The following NRXN1 variants were observed in gnomAD, a reference collection of about 807,000 sequenced individuals.
NRXN1 encodes neurexin-1.
In NRXN1, 39 loss-of-function variants were observed where a neutral mutation model predicts 150.9. The ratio of observed to expected loss-of-function variants is 0.26; its 90% CI spans 0.20 to 0.34. The LOEUF is 0.34. Ranked by LOEUF, NRXN1 falls within the 10% of genes least tolerant of loss-of-function variation. The probability of loss-of-function intolerance (pLI) is 1.00; values close to 1 mark genes in which losing one functional copy is unlikely to be tolerated. For missense variants in NRXN1, 1,815 were observed against 1,949.9 expected (o/e 0.93, Z 1.30); for synonymous variants, 924 against 757.0 (o/e 1.22, Z -3.62).
chr2:50,285,788 A>T (rs1203956975), intron 17 of NRXN1, among the ~76,000 whole-genome samples: 1 of 152,078 alleles, frequency 6.6e-6, no homozygotes, highest in Non-Finnish European at 1.5e-5. Flanking sequence ...TTACGAAATG[A>T]TCTTCAAAAT....
At chr2:50,696,157 TAA>T (rs1037606942) in intron 5 of NRXN1, 2 of 149,236 alleles carry the variant, frequency 1.3e-5, no homozygotes, top group East Asian at 2.0e-4. Flanking sequence ...ATGGAAATTT[TAA>T]AAGACAGTAC....
intron 21 of NRXN1, among the ~76,000 whole-genome samples, chr2:49,958,435 C>T (rs1675352775): frequency 6.6e-6 from 1 of 152,128 alleles, no homozygotes. Context: ...GTCTGTCTCA[C>T]TCAATTCTGA....
chr2:50,895,521 T>C (rs1220057947), intron 5 of NRXN1, among the ~76,000 whole-genome samples: 1 of 152,108 alleles, frequency 6.6e-6, no homozygotes, highest in African/African-American at 2.4e-5. Flanking sequence ...TGGGTCACTA[T>C]AAATTAAGAC....
chr2:50,267,936 T>A (rs1221564828), intron 17 of NRXN1, among the ~76,000 whole-genome samples: 3 of 151,866 alleles, frequency 2.0e-5, no homozygotes, highest in Admixed American at 1.3e-4. Flanking sequence ...ACACCTGTAA[T>A]CCTAGCAATT....
intron 5 of NRXN1, among the ~76,000 whole-genome samples, chr2:50,822,087 C>T (rs1191642531): frequency 6.6e-6 from 1 of 152,004 alleles, no homozygotes; most frequent in Non-Finnish European, 1.5e-5. Context: ...AGTCTAATTA[C>T]TACCTATGAT....
intron 17 of NRXN1, among the ~76,000 whole-genome samples, chr2:50,418,597 C>G (rs1341122106): frequency 6.6e-6 from 1 of 152,060 alleles, no homozygotes; most frequent in African/African-American, 2.4e-5. Flanking sequence ...TATTCTCTCT[C>G]TGATTTTAAA....
intron 18 of NRXN1, among the ~76,000 whole-genome samples, chr2:50,234,104 T>C (rs1185659942): frequency 1.3e-5 from 2 of 152,080 alleles, no homozygotes; most frequent in Non-Finnish European, 2.9e-5. Flanking sequence ...TCTTTTATTA[T>C]TCCATGCACC....
intron 2 of NRXN1, among the ~76,000 whole-genome samples, chr2:50,993,172 AT>A (rs1698788835): frequency 6.6e-6 from 1 of 151,998 alleles, no homozygotes; most frequent in East Asian, 1.9e-4. Context: ...GGAGAAAACA[AT>A]TATATATTGT....
intron 17 of NRXN1, among the ~76,000 whole-genome samples, chr2:50,385,263 T>A (rs990927834): frequency 2.6e-5 from 4 of 152,182 alleles, no homozygotes; most frequent in African/African-American, 9.7e-5. Flanking sequence ...GAAGGAATGT[T>A]TGCATTGCTT....
At chr2:50,177,750 A>C (rs1384205826) in intron 18 of NRXN1, among the ~76,000 whole-genome samples, 1 of 150,890 alleles carries the variant, frequency 6.6e-6, no homozygotes, top group East Asian at 2.0e-4. Context: ...AGTAGCATTC[A>C]ATTGTAGCTA....
intron 5 of NRXN1, chr2:50,632,326 T>C (rs1333045089): frequency 6.6e-6 from 1 of 152,054 alleles, no homozygotes; most frequent in Admixed American, 6.6e-5. Flanking sequence ...AATTATAGAA[T>C]GTATTTTTTT....
At chr2:50,385,104 C>A (rs1005561044) in intron 17 of NRXN1, among the ~76,000 whole-genome samples, 3 of 152,178 alleles carry the variant, frequency 2.0e-5, no homozygotes, top group Non-Finnish European at 4.4e-5. Flanking sequence ...AATTAGCAAG[C>A]ACTTTAGCGT....
intron 18 of NRXN1, among the ~76,000 whole-genome samples, chr2:50,159,744 A>G (rs2059247647): frequency 6.6e-6 from 1 of 152,180 alleles, no homozygotes. Context: ...GAGGCAAAGA[A>G]ATAGGAAAAA....
At chr2:50,000,227 T>C (rs1683676915) in intron 21 of NRXN1, among the ~76,000 whole-genome samples, 1 of 152,214 alleles carries the variant, frequency 6.6e-6, no homozygotes, top group Admixed American at 6.5e-5. Context: ...ATTTGGCAGC[T>C]CATTTGAATC....
At chr2:50,521,389 C>T (rs1457338883) in intron 12 of NRXN1, among the ~76,000 whole-genome samples, 1 of 152,076 alleles carries the variant, frequency 6.6e-6, no homozygotes, top group Non-Finnish European at 1.5e-5. Flanking sequence ...GAATGATGAA[C>T]TCAAAGAACA....
chr2:50,176,814 T>C (rs2060380591), intron 18 of NRXN1, among the ~76,000 whole-genome samples: 1 of 152,126 alleles, frequency 6.6e-6, no homozygotes, highest in Non-Finnish European at 1.5e-5. Context: ...TGGCTTGCTT[T>C]AGTTTGTAAC....
chr2:50,039,258 G>C (rs1233855954), intron 21 of NRXN1, among the ~76,000 whole-genome samples: 1 of 152,050 alleles, frequency 6.6e-6, no homozygotes, highest in African/African-American at 2.4e-5. Flanking sequence ...CTGAGGTCAG[G>C]AGTTCAAGAC....
At chr2:50,565,355 C>G (rs1319149000) in intron 8 of NRXN1, among the ~76,000 whole-genome samples, 1 of 151,572 alleles carries the variant, frequency 6.6e-6, no homozygotes, top group Non-Finnish European at 1.5e-5. Flanking sequence ...TAATAAATTA[C>G]CAAAAGATAT....
At chr2:51,016,257 T>C (rs1271829866) in intron 2 of NRXN1, among the ~76,000 whole-genome samples, 1 of 152,116 alleles carries the variant, frequency 6.6e-6, no homozygotes, top group African/African-American at 2.4e-5. Context: ...AATTGACATA[T>C]GGGGTCTAAT....
Sources: allele counts gnomAD v4.1 joint callset (sites outside exome capture counted in the v4.1 genomes callset), GRCh38; gene constraint gnomAD v4.1.1; transcripts MANE v1.5; gene names NCBI Gene and HGNC (gene_info 2026-07-23, HGNC 2026-07-21).